NTRK3: variants seen among roughly 807,000 people sequenced by gnomAD.
The protein encoded by NTRK3 is neurotrophic receptor tyrosine kinase 3.
In NTRK3, 24 loss-of-function variants were observed where a neutral mutation model predicts 91.7. That is an observed-to-expected ratio of 0.26 (90% CI 0.19 to 0.37). NTRK3 has a LOEUF of 0.37. Ranked by LOEUF, NTRK3 falls within the 10% of genes least tolerant of loss-of-function variation. The pLI is 1.00. For synonymous variants in NTRK3, 483 were observed against 404.0 expected, an observed-to-expected ratio of 1.20 and a Z score of -2.34; for missense variants, 880 against 1,068.9, an observed-to-expected ratio of 0.82 and a Z score of 2.46.
chr15:88,077,214 C>A (rs890410707), intron 13 of NTRK3, among the ~76,000 whole-genome samples: 1 of 152,142 alleles, frequency 6.6e-6, no homozygotes, highest in Non-Finnish European at 1.5e-5. Flanking sequence ...GCTAAACTTT[C>A]CCCTGGCTTC....
At chr15:88,217,764 A>ATTT (rs57874235) in intron 3 of NTRK3, among the ~76,000 whole-genome samples, 3,630 of 143,726 alleles carry the variant, frequency 0.025, 194 homozygotes, top group African/African-American at 0.08. Flanking sequence ...TTGTAGCACA[A>ATTT]TTTTTTTTTT....
At chr15:88,204,130 T>C (rs2048531984) in intron 3 of NTRK3, among the ~76,000 whole-genome samples, 1 of 152,160 alleles carries the variant, frequency 6.6e-6, no homozygotes, top group Non-Finnish European at 1.5e-5. Context: ...GAACATGTGG[T>C]GTCTGGTTTT....
chr15:87,908,412 A>G (rs1596195009), intron 17 of NTRK3: 1 of 398,940 alleles, frequency 2.5e-6, no homozygotes, highest in Non-Finnish European at 4.4e-6. Flanking sequence ...GTGCCTCTCC[A>G]AAGCCTGCAA....
intron 17 of NTRK3, among the ~76,000 whole-genome samples, chr15:87,888,200 T>C (rs2065656094): frequency 6.6e-6 from 1 of 152,110 alleles, no homozygotes; most frequent in Admixed American, 6.6e-5. Context: ...CTGAAAGTGC[T>C]CACGGGGAAT....
chr15:87,943,331 A>G (rs2070096225), intron 14 of NTRK3, among the ~76,000 whole-genome samples: 1 of 152,012 alleles, frequency 6.6e-6, no homozygotes, highest in Non-Finnish European at 1.5e-5. Flanking sequence ...AGCCCAGGAG[A>G]AGGTGAGACG....
intron 6 of NTRK3, among the ~76,000 whole-genome samples, chr15:88,138,563 C>T (rs1005868333): frequency 2.6e-5 from 4 of 152,160 alleles, no homozygotes; most frequent in African/African-American, 7.2e-5. Flanking sequence ...CTCACTCCCT[C>T]CTCCTCTTCA....
At chr15:87,929,119 G>T (rs2141906670) in intron 17 of NTRK3, 72 bp downstream of exon 17, 6 of 1,611,278 alleles carry the variant, frequency 3.7e-6, no homozygotes, top group Non-Finnish European at 5.1e-6. Flanking sequence ...AGGGTTAATG[G>T]ACAATGAAAA....
At chr15:88,254,690 A>T (rs1002916628) in intron 3 of NTRK3, among the ~76,000 whole-genome samples, 1 of 152,172 alleles carries the variant, frequency 6.6e-6, no homozygotes, top group Non-Finnish European at 1.5e-5. Context: ...GGCCCCCTTA[A>T]GTCCGTCGAA....
In NTRK3 at chr15:88,114,568, T is replaced by C. The variant is rs750763913; in HGVS notation, c.1396+11703A>G. 3.5e-4 allele frequency among the ~76,000 whole-genome samples: 53 copies of C among 152,228 alleles called. 1 individual carries two copies. The highest frequency in any genetic ancestry group is 3.7e-4 in the Non-Finnish European group (25 of 68,040). ...AAAAATAGAATGCAGTAGATCTCTA[T>C]GAACTGATACTAACTCATCTCAAAG... On this transcript the variant is annotated intron_variant, in intron 13 of 18. Coordinates refer to ENST00000394480, the Ensembl canonical transcript of NTRK3.
chr15:88,109,138 C>T (rs1308074107), intron 13 of NTRK3, among the ~76,000 whole-genome samples: 1 of 152,188 alleles, frequency 6.6e-6, no homozygotes, highest in Non-Finnish European at 1.5e-5. Flanking sequence ...CCCCGTTAAG[C>T]AAACAGCACC....
At chr15:88,097,170 C>T (rs1383771427) in intron 13 of NTRK3, among the ~76,000 whole-genome samples, 1 of 152,168 alleles carries the variant, frequency 6.6e-6, no homozygotes, top group Non-Finnish European at 1.5e-5. Flanking sequence ...ATCAATTTCA[C>T]CTATGTCTTT....
chr15:88,033,210 A>ATATATATATATATATGTATG (rs1301860999), intron 13 of NTRK3, among the ~76,000 whole-genome samples, 165 bp from the exon 14 acceptor site: 1 of 121,326 alleles, frequency 8.2e-6, no homozygotes, highest in African/African-American at 3.5e-5. Context: ...ATATATATAT[A>ATATATATATATATATGTATG]TATATAAATT....
chr15:88,001,395 T>C (rs1468934434), intron 14 of NTRK3, among the ~76,000 whole-genome samples: 1 of 152,148 alleles, frequency 6.6e-6, no homozygotes, highest in East Asian at 1.9e-4. Context: ...TGGTGTCATA[T>C]ATAAGAAATC....
At chr15:87,968,692 G>C (rs2072998299) in intron 14 of NTRK3, among the ~76,000 whole-genome samples, 1 of 152,170 alleles carries the variant, frequency 6.6e-6, no homozygotes, top group African/African-American at 2.4e-5. Flanking sequence ...GACTCCATGT[G>C]TTTGCATCTC....
chr15:87,927,309 A>G (rs1298221216), intron 17 of NTRK3: 1 of 152,132 alleles, frequency 6.6e-6, no homozygotes, highest in African/African-American at 2.4e-5. Flanking sequence ...CAAACATTCC[A>G]TTTTTCTCCA....
intron 3 of NTRK3, among the ~76,000 whole-genome samples, chr15:88,254,643 G>C (rs1344206008): frequency 1.3e-5 from 2 of 152,192 alleles, no homozygotes; most frequent in African/African-American, 2.4e-5. Context: ...GCTGAAGCAA[G>C]GGGAGGTGCT....
At chr15:88,150,274 C>T (rs995941181) in intron 5 of NTRK3, among the ~76,000 whole-genome samples, 2 of 152,164 alleles carry the variant, frequency 1.3e-5, no homozygotes, top group Non-Finnish European at 2.9e-5. Context: ...TCCTGGGGAA[C>T]CCGAGGCAGA....
intron 13 of NTRK3, among the ~76,000 whole-genome samples, chr15:88,061,563 G>A (rs1422872700): frequency 2.0e-5 from 3 of 152,250 alleles, no homozygotes; most frequent in African/African-American, 7.2e-5. Context: ...CGGAACCCAT[G>A]TGGCATGCCT....
intron 3 of NTRK3, among the ~76,000 whole-genome samples, chr15:88,204,461 A>T (rs1204471734): frequency 6.6e-6 from 1 of 152,000 alleles, no homozygotes; most frequent in African/African-American, 2.4e-5. Flanking sequence ...GATCACTTCT[A>T]CTCCTACAAT....
Sources: allele counts gnomAD v4.1 joint callset (sites outside exome capture counted in the v4.1 genomes callset), GRCh38; gene constraint gnomAD v4.1.1; transcripts MANE v1.5; gene names NCBI Gene and HGNC (gene_info 2026-07-23, HGNC 2026-07-21).